PAH: variants seen among roughly 807,000 people sequenced by gnomAD.
PAH encodes phenylalanine-4-hydroxylase.
A neutral mutation model predicts 62.0 loss-of-function variants in PAH; 64 were observed. The observed-to-expected ratio is 1.03, with a 90% CI of 0.84 to 1.27. PAH has a LOEUF of 1.27. PAH is among the 50% of genes most tolerant of loss of function. PAH has a pLI of 0.00. For missense variants in PAH, 579 were observed against 542.8 expected (o/e 1.07, Z -0.66); for synonymous variants, 195 against 196.2 (o/e 0.99, Z 0.05).
intron 1 of PAH, chr12:102,958,042 T>G: frequency 2.5e-6 from 1 of 403,722 alleles, no homozygotes; most frequent in Non-Finnish European, 4.3e-6. Context: ...GAAAAAGCAT[T>G]TTCACTTTTT....
intron 2 of PAH, among the ~76,000 whole-genome samples, chr12:102,903,386 A>AC (rs1204698607): frequency 0.027 from 3,655 of 134,228 alleles, 147 homozygotes; most frequent in African/African-American, 0.1. Context: ...ACACACACAC[A>AC]AAAAACAAAC....
chr12:102,919,241 C>A (rs998480010), upstream of PAH, among the ~76,000 whole-genome samples: 18 of 152,276 alleles, frequency 1.2e-4, no homozygotes, highest in South Asian at 2.3e-3. Flanking sequence ...TTTAGGACAA[C>A]AAAATGATAG....
At position 102,839,192 on chromosome 12, in the gene PAH, G is replaced by A; in HGVS notation, c.1342C>T (p.Leu448Phe). 1 of 1,613,774 alleles carries A rather than the reference G, an allele frequency of 6.2e-7. No homozygotes were observed. The change falls in exon 13 of 13, where the codon CTC becomes TTC. Residue 448 changes from leucine (L) to phenylalanine (F), a missense_variant. By Grantham distance (22) the Leu-to-Phe change is conservative (BLOSUM62 0). Transcript: ENST00000553106. ...NSEIGILCSA[L>F]QKIK ...CCATGGCTTTACTTTATTTTCTGGA[G>A]GGCACTGCAAAGGATTCCAATTTCA... is the stretch of plus-strand genomic sequence containing the variant.
chr12:102,855,434 C>T (rs1875382736), intron 5 of PAH, 102 bp from the exon 6 acceptor site: 1 of 809,048 alleles, frequency 1.2e-6, no homozygotes, highest in Non-Finnish European at 2.1e-6. Flanking sequence ...CTGTGAGCTG[C>T]CATCACTTGC....
intron 2 of PAH, among the ~76,000 whole-genome samples, chr12:102,908,183 A>C (rs1389718367): frequency 6.6e-6 from 1 of 151,692 alleles, no homozygotes. Flanking sequence ...GTTCACATAC[A>C]TGCATGCGCC....
intron 11 of PAH, among the ~76,000 whole-genome samples, chr12:102,842,731 G>C (rs1306686269): frequency 6.6e-6 from 1 of 151,948 alleles, no homozygotes; most frequent in Admixed American, 6.6e-5. Context: ...TCAAAAGTGC[G>C]GATTTCTTTG....
chr12:102,861,422 G>T (rs1243305442), intron 5 of PAH, among the ~76,000 whole-genome samples: 1 of 152,218 alleles, frequency 6.6e-6, no homozygotes, highest in African/African-American at 2.4e-5. Flanking sequence ...AGACAGTGTG[G>T]CAATTCCTCA....
intron 6 of PAH, among the ~76,000 whole-genome samples, chr12:102,853,659 C>T (rs1355512594): frequency 6.6e-6 from 1 of 152,152 alleles, no homozygotes; most frequent in Non-Finnish European, 1.5e-5. Flanking sequence ...TTCTCTAAAT[C>T]GCTCAATTTT....
intron 4 of PAH, among the ~76,000 whole-genome samples, chr12:102,872,302 G>A (rs113559474): frequency 2.0e-5 from 3 of 152,152 alleles, no homozygotes; most frequent in African/African-American, 4.8e-5. Context: ...CGATGACCAC[G>A]TGTACTTTCG....
At chr12:102,872,314 C>T (rs1876380453) in intron 4 of PAH, among the ~76,000 whole-genome samples, 1 of 152,164 alleles carries the variant, frequency 6.6e-6, no homozygotes, top group South Asian at 2.1e-4. Context: ...GTACTTTCGT[C>T]TCTTGTATCT....
At chr12:102,860,432 G>T (rs924062670) in intron 5 of PAH, among the ~76,000 whole-genome samples, 3 of 152,168 alleles carry the variant, frequency 2.0e-5, no homozygotes, top group African/African-American at 7.2e-5. Flanking sequence ...TAGATTTAAT[G>T]CTATCCCCAT....
chr12:102,859,591 C>T lies in PAH; in HGVS notation c.510-4259G>A, dbSNP rs79236255. On this transcript the variant is annotated intron_variant, in intron 5 of 12. Transcript: ENST00000553106. ...AATCCTCAATAAAATACTGGCAAAC[C>T]GAATCCAGCAGCACATCAAAAAGCT... Among the ~76,000 whole-genome samples, 466 of 152,196 alleles carry T rather than the reference C, an allele frequency of 3.1e-3. 4 individuals carry two copies. The highest frequency in any genetic ancestry group is 0.011 in the African/African-American group (436 of 41,498).
At chr12:102,870,840 C>T (rs942418013) in intron 4 of PAH, among the ~76,000 whole-genome samples, 19 of 152,086 alleles carry the variant, frequency 1.2e-4, no homozygotes, top group Admixed American at 3.9e-4. Flanking sequence ...AGGGGAGCAC[C>T]GACCATGCCC....
chr12:102,945,215 G>C (rs1179783386), intron 1 of PAH: 1 of 152,602 alleles, frequency 6.6e-6, no homozygotes, highest in East Asian at 1.9e-4. Flanking sequence ...ACTTCACTGG[G>C]TCAGATCTGA....
In PAH at chr12:102,847,501, T is replaced by C. The variant is rs377527907; in HGVS notation, c.913-550A>G. 487 of 167,904 alleles carry C rather than the reference T, an allele frequency of 2.9e-3. 3 individuals are homozygous for C. The South Asian group carries it at 0.037, about 13-fold the overall frequency. The allele number at this position is 167,904 out of a possible 1,614,324, so 10.4% of individuals were successfully genotyped here. On this transcript the variant is annotated intron_variant, in intron 8 of 12. Transcript: ENST00000553106. The stretch of plus-strand genomic sequence containing the variant: ...CTTACTGCAGCCTGCCTTGTGTGTA[T>C]GTGTCTTTCCTACTGTATATATTAA...
chr12:102,845,545 T>G (rs934752112), intron 9 of PAH, among the ~76,000 whole-genome samples: 1 of 152,224 alleles, frequency 6.6e-6, no homozygotes, highest in African/African-American at 2.4e-5. Context: ...CAGTTCAATA[T>G]GTCCTAGAGA....
intron 1 of PAH, among the ~76,000 whole-genome samples, chr12:102,944,005 C>T (rs1173033668): frequency 1.3e-5 from 2 of 152,146 alleles, no homozygotes; most frequent in African/African-American, 4.8e-5. Flanking sequence ...TGTAACAAAC[C>T]TGTAGGTATA....
At chr12:102,951,224 G>C (rs1879749225), upstream of PAH, among the ~76,000 whole-genome samples, 1 of 152,166 alleles carries the variant, frequency 6.6e-6, no homozygotes. Flanking sequence ...CCACCCCGGG[G>C]CGCACTTTCG....
chr12:102,925,074 C>T (rs867485749), intron 1 of PAH, among the ~76,000 whole-genome samples: 39 of 152,178 alleles, frequency 2.6e-4, no homozygotes, highest in African/African-American at 8.9e-4. Flanking sequence ...ATTAGTTTTC[C>T]CCAATCCTTC....
Sources: allele counts gnomAD v4.1 joint callset (sites outside exome capture counted in the v4.1 genomes callset), GRCh38; gene constraint gnomAD v4.1.1; transcripts MANE v1.5; gene names NCBI Gene and HGNC (gene_info 2026-07-23, HGNC 2026-07-21).